The following PRRG3 variants were observed in gnomAD, a reference collection of about 807,000 sequenced individuals.
The protein encoded by PRRG3 is proline rich and Gla domain 3, also known as transmembrane gamma-carboxyglutamic acid protein 3.
Under a neutral mutation model 15.8 loss-of-function variants are expected in PRRG3, and 21 were observed. That is an observed-to-expected ratio of 1.33 (90% CI 0.94 to 1.92). The LOEUF is 1.92. Among genes scored for constraint, PRRG3 ranks in the 40% most tolerant of loss-of-function variants. The probability of loss-of-function intolerance (pLI) is 0.00; values close to 1 mark genes in which losing one functional copy is unlikely to be tolerated. For synonymous variants in PRRG3, 125 were observed against 84.1 expected (o/e 1.49, Z -2.66); for missense variants, 251 against 200.2 (o/e 1.25, Z -1.53).
rs113176763 is a variant in PRRG3, at chrX:151,703,459, ATG to A, written c.*2454_*2455del. ...ACATTTTTGCTGTTTTTGGACTTCT[ATG>A]TGTGTGTGTGTGTGTGTGTGTGTGT... On this transcript the variant is annotated 3_prime_UTR_variant, in exon 4 of 4. Coordinates refer to ENST00000674457, the MANE Select transcript of PRRG3 (RefSeq NM_001372163.1). 1,504 of 100,637 alleles carry A rather than the reference ATG, an allele frequency of 0.015. 26 individuals are homozygous for A. Among genetic ancestry groups the A allele is most frequent in the African/African-American group, 0.037 (1,025 of 27,954 alleles). 8.3% of individuals were successfully genotyped at this position (100,637 alleles called of 1,213,427 possible). A position where few individuals can be genotyped will look rare whatever the true frequency, so the allele number is the denominator to read the frequency against.
chrX:151,700,170 T>A lies in PRRG3; in HGVS notation c.168+14T>A. 8.3e-7 allele frequency: 1 copy of A among 1,211,855 alleles called. No homozygotes were observed. The highest frequency in any genetic ancestry group is 1.1e-6 in the Non-Finnish European group (1 of 895,550). ...AAAGAGAAAACGGCATGTACCACCC[T>A]GGGGCTGGTTCTGGGAGTAGGAGTA... On this transcript the variant is annotated intron_variant, in intron 3 of 3. Transcript: ENST00000674457.
Position 151,703,494 on chromosome X carries a change from T to C in PRRG3, c.*2461T>C, listed in dbSNP as rs2124346271. ...GTGTGTGTGTGTGTGTGTGTATCTA[T>C]GTGTGCACGTTGCCTTTTCTCATTG... On this transcript the variant is annotated 3_prime_UTR_variant, in exon 4 of 4. Coordinates refer to ENST00000674457, the MANE Select transcript of PRRG3 (RefSeq NM_001372163.1). 1 of 109,968 alleles carries C rather than the reference T, an allele frequency of 9.1e-6. No individual in the cohort carries two copies. Among genetic ancestry groups the C allele is most frequent in the South Asian group, 4.0e-4 (1 of 2,516 alleles). The allele number at this position is 109,968 out of a possible 1,213,427, so 9.1% of individuals were successfully genotyped here. A position where few individuals can be genotyped will look rare whatever the true frequency, so the allele number is the denominator to read the frequency against.
At position 151,701,022 on chromosome X, in the gene PRRG3, G is replaced by T. The variant is rs1106194; in HGVS notation, c.685G>T (p.Ala229Ser). 1 of 1,149,254 alleles carries T rather than the reference G, an allele frequency of 8.7e-7. No homozygotes were observed. The highest frequency in any genetic ancestry group is 3.0e-5 in the East Asian group (1 of 33,205). 94.7% of individuals were successfully genotyped at this position (1,149,254 alleles called of 1,213,427 possible). A position where few individuals can be genotyped will look rare whatever the true frequency, so the allele number is the denominator to read the frequency against. The part of the protein sequence containing the change: ...YEEIVAANPG[A>S]DK ...GGAGATAGTGGCCGCCAACCCTGGC[G>T]CTGACAAGTAGTGGGACGTTTGTGC... Residue 229 changes from alanine (A) to serine (S), a missense_variant, in exon 4 of 4, where the codon GCT (alanine) becomes TCT (serine). Physicochemically the swap from Ala to Ser is moderately conservative, Grantham distance 99. Coordinates refer to ENST00000674457, the MANE Select transcript of PRRG3 (RefSeq NM_001372163.1).
Position 151,699,380 on chromosome X carries a change from C to G in PRRG3, c.7+559C>G, listed in dbSNP as rs775510614. 7.1e-5 allele frequency among the ~76,000 whole-genome samples: 8 copies of G among 112,465 alleles called. No homozygotes were observed. The East Asian group carries it at 2.0e-3, about 28-fold the overall frequency. On this transcript the variant is annotated intron_variant, in intron 2 of 3. Coordinates refer to ENST00000674457, the MANE Select transcript of PRRG3 (RefSeq NM_001372163.1). ...ACTCTCCATCTGAACCCTGCTACTT[C>G]CCATCCCCAGAGGTGCTCTTAGGCT...
At chrX:151,699,533 G>C (rs145898554) in intron 2 of PRRG3, among the ~76,000 whole-genome samples, 2,416 of 112,313 alleles carry the variant, frequency 0.022, 39 homozygotes, top group Middle Eastern at 0.12. Flanking sequence ...CACCCTGGTA[G>C]AGTCTTCTAG....
At chrX:151,698,901 C>T (rs1293776266) in intron 2 of PRRG3, 80 bp downstream of exon 2, 5 of 964,494 alleles carry the variant, frequency 5.2e-6, no homozygotes, top group Non-Finnish European at 7.3e-6. Flanking sequence ...TCCTTCCCAG[C>T]TTCCCTGCCC....
intron 2 of PRRG3, 122 bp downstream of exon 2, chrX:151,698,943 C>A (rs2014813950): frequency 1.6e-6 from 1 of 614,672 alleles, no homozygotes; most frequent in Admixed American, 3.3e-5. Flanking sequence ...TAGCCATTTT[C>A]CAAATGGCTG....
At position 151,701,325 on chromosome X, in the gene PRRG3, T is replaced by C. The variant is rs2014881564; in HGVS notation, c.*292T>C. The C allele has an allele frequency of 1.7e-5, 4 of 235,038 alleles. No individual in the cohort carries two copies. Among genetic ancestry groups the C allele is most frequent in the Middle Eastern group, 1.2e-3 (1 of 811 alleles). The allele number at this position is 235,038 out of a possible 1,213,427, so 19.4% of individuals were successfully genotyped here. On this transcript the variant is annotated 3_prime_UTR_variant, in exon 4 of 4. Coordinates refer to ENST00000674457, the MANE Select transcript of PRRG3 (RefSeq NM_001372163.1). ...TGTCTTTCCATCAGGAACTGGCTTC[T>C]CTTATGCCAAAGGAATAACCCCATT...
In PRRG3 at chrX:151,700,708, G is replaced by A. The variant is rs1019184963; in HGVS notation, c.371G>A (p.Arg124His). The A allele has an allele frequency of 1.7e-6, 2 of 1,207,705 alleles. No homozygotes were observed. The highest frequency in any genetic ancestry group is 1.8e-5 in the African/African-American group (1 of 56,706). The change falls in exon 4 of 4, where the codon CGC becomes CAC. Residue 124 changes from arginine to histidine, a missense_variant. By Grantham distance (29) the Arg-to-His change is conservative. Coordinates refer to ENST00000674457, the MANE Select transcript of PRRG3 (RefSeq NM_001372163.1). ...GCTCAGAACCGGTACCTAGCCAGTC[G>A]CGCCGGGCACACCCTCCCCCGGGTC... ...SYAQNRYLAS[R>H]AGHTLPRVMV...
At chrX:151,697,324 A>G (rs2014784724) in intron 1 of PRRG3, among the ~76,000 whole-genome samples, 1 of 109,879 alleles carries the variant, frequency 9.1e-6, no homozygotes, top group Non-Finnish European at 1.9e-5. Context: ...AGCATGCCTA[A>G]CTAATTTTTG....
Position 151,703,856 on chromosome X carries a change from G to GTTTTTTTTTTTTT in PRRG3, c.*2823_*2824insTTTTTTTTTTTTT. 2 of 8,957 alleles carry GTTTTTTTTTTTTT rather than the reference G, an allele frequency of 2.2e-4. 1 individual carries two copies. The highest frequency in any genetic ancestry group is 4.4e-3 in the Admixed American group (2 of 458). 0.7% of individuals were successfully genotyped at this position (8,957 alleles called of 1,213,427 possible). ...AAGAAATCTGAGTACTCCTGGGCATGGTTTTTTTTTTTTTTTTTTTTTTTT... is the reference window on the plus strand; with the variant it reads ...AAGAAATCTGAGTACTCCTGGGCATGTTTTTTTTTTTTTGTTTTTTTTTTTTTTTTTTTTTTTT... On this transcript the variant is annotated 3_prime_UTR_variant, in exon 4 of 4. Transcript: ENST00000674457.
rs1269260757 is a variant in PRRG3 at position 151,705,307 on chromosome X, C to T, written c.*4274C>T. Reference sequence around the variant, plus strand: ...TCAGACTGGCCGCTCCATCATTCGCCTCCAAATATTCAAACGTGGGAGCTT... The same window carrying T: ...TCAGACTGGCCGCTCCATCATTCGCTTCCAAATATTCAAACGTGGGAGCTT... On this transcript the variant is annotated 3_prime_UTR_variant, in exon 4 of 4. Transcript: ENST00000674457. The T allele has an allele frequency of 2.9e-6, 1 of 343,669 alleles. No homozygotes were observed. The highest frequency in any genetic ancestry group is 2.6e-5 in the South Asian group (1 of 38,510). The allele number at this position is 343,669 out of a possible 1,213,427, so 28.3% of individuals were successfully genotyped here. A position where few individuals can be genotyped will look rare whatever the true frequency, so the allele number is the denominator to read the frequency against.
At chrX:151,700,353 C>A (rs983694198) in intron 3 of PRRG3, 153 bp from the exon 4 acceptor site, 8 of 1,141,945 alleles carry the variant, frequency 7.0e-6, no homozygotes, top group Non-Finnish European at 9.3e-6. Flanking sequence ...CACTTGGGAG[C>A]ATTGTCCTTT....
rs1365686237 is a variant in PRRG3 at position 151,702,703 on chromosome X, C to T, written c.*1670C>T. Reference sequence around the variant, plus strand: ...TCAATCTCCCGTCAGTTGACCCTTTCCATCCTCTCGTCCTCCCTTTCCAGA... The same window carrying T: ...TCAATCTCCCGTCAGTTGACCCTTTTCATCCTCTCGTCCTCCCTTTCCAGA... On this transcript the variant is annotated 3_prime_UTR_variant, in exon 4 of 4. Transcript: ENST00000674457. 1 of 112,470 alleles carries T rather than the reference C, an allele frequency of 8.9e-6. No homozygotes were observed. Among genetic ancestry groups the T allele is most frequent in the African/African-American group, 3.2e-5 (1 of 30,890 alleles). 9.3% of individuals were successfully genotyped at this position (112,470 alleles called of 1,213,427 possible). A position where few individuals can be genotyped will look rare whatever the true frequency, so the allele number is the denominator to read the frequency against.
intron 1 of PRRG3, among the ~76,000 whole-genome samples, chrX:151,695,797 G>C (rs1411010506): frequency 1.8e-5 from 2 of 111,705 alleles, no homozygotes; most frequent in Admixed American, 1.9e-4. Flanking sequence ...CCCAGAGTTT[G>C]AGTTTGAGCA....
chrX:151,703,632 T>A lies in PRRG3; in HGVS notation c.*2599T>A, dbSNP rs1423611439. ...GCTGAGTAGCCTGATGACAGGGCCC[T>A]GAGCAAGGAAACGTGGCATTAACTA... On this transcript the variant is annotated 3_prime_UTR_variant, in exon 4 of 4. Coordinates refer to ENST00000674457, the MANE Select transcript of PRRG3 (RefSeq NM_001372163.1). 2.7e-5 allele frequency: 3 copies of A among 111,214 alleles called. No individual in the cohort carries two copies. Among genetic ancestry groups the A allele is most frequent in the African/African-American group, 9.8e-5 (3 of 30,502 alleles). The allele number at this position is 111,214 out of a possible 1,213,427, so 9.2% of individuals were successfully genotyped here.
In PRRG3 at chrX:151,700,554, C is replaced by T. The variant is rs1176822976; in HGVS notation, c.217C>T (p.Pro73Ser). ...AAATGCAGTCTACTCTGTCCGAGAC[C>T]CCTCGCAGAGCTCAGATGCCATGTA... ...YPNAVYSVRDPSQSSDAMYVV... is the reference protein window; with the variant it reads ...YPNAVYSVRDSSQSSDAMYVV... The change falls in exon 4 of 4, where the codon CCC (proline) becomes TCC (serine). Residue 73 changes from proline to serine, a missense_variant. Physicochemically the swap from Pro to Ser is moderately conservative, Grantham distance 74. Transcript: ENST00000674457. 2 of 1,205,769 alleles carry T rather than the reference C, an allele frequency of 1.7e-6. No individual in the cohort carries two copies. The highest frequency in any genetic ancestry group is 3.5e-5 in the African/African-American group (2 of 56,928).
chrX:151,700,830 G>T lies in PRRG3; in HGVS notation c.493G>T (p.Gly165Cys). ...PQVVLGPSRGGRTTVRLESTL... is the reference protein window; with the variant it reads ...PQVVLGPSRGCRTTVRLESTL... Reference sequence around the variant, plus strand: ...GGTGGTGCTGGGGCCCAGTCGGGGGGGCAGGACCACAGTCCGGCTAGAGAG... The same window carrying T: ...GGTGGTGCTGGGGCCCAGTCGGGGGTGCAGGACCACAGTCCGGCTAGAGAG... Residue 165 changes from glycine (G) to cysteine (C), a missense_variant, in exon 4 of 4, where the codon GGC becomes TGC. Transcript: ENST00000674457. 1 of 1,195,643 alleles carries T rather than the reference G, an allele frequency of 8.4e-7. No homozygotes were observed. Among genetic ancestry groups the T allele is most frequent in the African/African-American group, 1.8e-5 (1 of 57,046 alleles).
chrX:151,696,922 G>A (rs772641637), intron 1 of PRRG3, among the ~76,000 whole-genome samples: 111 of 112,008 alleles, frequency 9.9e-4, no homozygotes, highest in Middle Eastern at 4.6e-3. Context: ...TTGATGTGGC[G>A]TTTCCACAAA....
Sources: gnomAD v4.1 joint callset for allele counts (sites outside exome capture counted in the v4.1 genomes callset) on GRCh38, gnomAD v4.1.1 for gene constraint, MANE v1.5 for transcripts, NCBI Gene and HGNC (gene_info 2026-07-23, HGNC 2026-07-21) for gene names.